DLG2: variants seen among roughly 807,000 people sequenced by gnomAD.
The protein encoded by DLG2 is disks large homolog 2.
DLG2 carries 45 observed loss-of-function variants against 132.5 expected under a neutral mutation model. That is an observed-to-expected ratio of 0.34 (90% CI 0.27 to 0.44). The LOEUF (loss-of-function observed/expected upper bound fraction) is 0.44. Among genes scored for constraint, DLG2 ranks in the 20% least tolerant of loss-of-function variants. The pLI, the probability that DLG2 is intolerant of heterozygous loss-of-function variation, is 1.00. For synonymous variants in DLG2, 424 were observed against 419.6 expected (o/e 1.01, Z -0.13); for missense variants, 1,045 against 1,196.9 (o/e 0.87, Z 1.87).
intron 7 of DLG2, among the ~76,000 whole-genome samples, chr11:84,253,275 T>C (rs949783235): frequency 1.3e-5 from 2 of 152,106 alleles, no homozygotes; most frequent in Non-Finnish European, 2.9e-5. Context: ...GATTGTATGA[T>C]TTGGGGGCTC....
chr11:84,714,669 C>CTG (rs1417619372), intron 6 of DLG2, among the ~76,000 whole-genome samples: 1 of 148,146 alleles, frequency 6.8e-6, no homozygotes, highest in Non-Finnish European at 1.5e-5. Flanking sequence ...CTCTCTCTCT[C>CTG]TCTCTGCCTC....
chr11:84,943,780 A>G (rs563381451), intron 6 of DLG2, among the ~76,000 whole-genome samples: 1 of 152,300 alleles, frequency 6.6e-6, no homozygotes, highest in East Asian at 1.9e-4. Context: ...TTTGTATACC[A>G]TAATTACAGT....
intron 9 of DLG2, among the ~76,000 whole-genome samples, chr11:84,130,492 G>GTATATA (rs34898841): frequency 1.3e-4 from 19 of 143,138 alleles, no homozygotes; most frequent in African/African-American, 4.0e-4. Context: ...AAGTGGAAAA[G>GTATATA]TATATATATA....
At chr11:83,493,895 C>G (rs1256042557) in intron 21 of DLG2, among the ~76,000 whole-genome samples, 1 of 152,100 alleles carries the variant, frequency 6.6e-6, no homozygotes, top group Non-Finnish European at 1.5e-5. Context: ...GAACTGTCAA[C>G]TAGGACCTGG....
At chr11:83,693,204 T>A (rs113723607) in intron 18 of DLG2, 10 of 152,220 alleles carry the variant, frequency 6.6e-5, no homozygotes, top group African/African-American at 2.2e-4. Flanking sequence ...CCTTGTCACA[T>A]GCCTGAAATA....
chr11:85,438,294 A>G (rs1225550597), intron 3 of DLG2, among the ~76,000 whole-genome samples: 1 of 152,162 alleles, frequency 6.6e-6, no homozygotes. Flanking sequence ...AAATTTTAAC[A>G]TGAGATTTGG....
intron 3 of DLG2, among the ~76,000 whole-genome samples, chr11:85,390,775 G>A (rs2086730111): frequency 6.6e-6 from 1 of 151,850 alleles, no homozygotes; most frequent in Admixed American, 6.6e-5. Flanking sequence ...AAAACCTCTT[G>A]GATATAACAA....
chr11:85,088,257 G>A (rs1258732529), intron 6 of DLG2, among the ~76,000 whole-genome samples: 1 of 152,174 alleles, frequency 6.6e-6, no homozygotes, highest in African/African-American at 2.4e-5. Flanking sequence ...AAAGCGACCT[G>A]AGCAATGGGA....
At chr11:85,412,871 A>T (rs1320430504) in intron 3 of DLG2, among the ~76,000 whole-genome samples, 1 of 151,528 alleles carries the variant, frequency 6.6e-6, no homozygotes, top group Non-Finnish European at 1.5e-5. Flanking sequence ...TGCTATAAAC[A>T]TGTGTGTGCA....
intron 18 of DLG2, among the ~76,000 whole-genome samples, chr11:83,743,481 G>C (rs1253517337): frequency 7.3e-6 from 1 of 136,816 alleles, no homozygotes; most frequent in Non-Finnish European, 1.5e-5. Flanking sequence ...ACCCAGGTTG[G>C]AGTACAGTGA....
intron 6 of DLG2, among the ~76,000 whole-genome samples, chr11:84,869,494 T>G (rs1368369585): frequency 6.6e-6 from 1 of 151,778 alleles, no homozygotes; most frequent in Non-Finnish European, 1.5e-5. Context: ...ATAATCAAAG[T>G]GAACAAAAAG....
chr11:85,424,997 C>G (rs1051207246), intron 3 of DLG2, among the ~76,000 whole-genome samples: 1 of 151,010 alleles, frequency 6.6e-6, no homozygotes, highest in Non-Finnish European at 1.5e-5. Flanking sequence ...CCTTAATCCA[C>G]TGAAGTTAGT....
intron 4 of DLG2, among the ~76,000 whole-genome samples, chr11:85,245,179 G>A (rs572987710): frequency 6.8e-4 from 104 of 151,930 alleles, no homozygotes; most frequent in Non-Finnish European, 1.1e-3. Context: ...CTAGATTCAG[G>A]CCTTATTAAT....
At chr11:84,985,400 G>A (rs2056342678) in intron 6 of DLG2, among the ~76,000 whole-genome samples, 1 of 152,060 alleles carries the variant, frequency 6.6e-6, no homozygotes, top group South Asian at 2.1e-4. Context: ...ATGAAATCAA[G>A]ATGGCAATTA....
intron 6 of DLG2, among the ~76,000 whole-genome samples, chr11:84,954,710 A>T (rs1018865824): frequency 6.6e-6 from 1 of 152,120 alleles, no homozygotes; most frequent in Non-Finnish European, 1.5e-5. Flanking sequence ...TTTCTCAGGT[A>T]TTGTCTAGAC....
At chr11:85,288,804 T>C (rs2078715847) in intron 3 of DLG2, among the ~76,000 whole-genome samples, 1 of 152,170 alleles carries the variant, frequency 6.6e-6, no homozygotes, top group Non-Finnish European at 1.5e-5. Flanking sequence ...TCTTTTTCTC[T>C]GTATCGTTTT....
chr11:84,692,925 A>C (rs1343913996), intron 6 of DLG2, among the ~76,000 whole-genome samples: 1 of 151,850 alleles, frequency 6.6e-6, no homozygotes, highest in Non-Finnish European at 1.5e-5. Context: ...TACAACGGAA[A>C]GGGAAATTGA....
At chr11:84,649,468 G>C (rs1190076160) in intron 6 of DLG2, among the ~76,000 whole-genome samples, 1 of 152,176 alleles carries the variant, frequency 6.6e-6, no homozygotes, top group African/African-American at 2.4e-5. Flanking sequence ...ATAGGATGGA[G>C]AGAAACTCAT....
At chr11:84,734,353 C>T (rs2063547740) in intron 6 of DLG2, among the ~76,000 whole-genome samples, 1 of 152,168 alleles carries the variant, frequency 6.6e-6, no homozygotes, top group Non-Finnish European at 1.5e-5. Context: ...AGTTCCTTCA[C>T]ATCCCTTGTA....
Sources: allele counts gnomAD v4.1 joint callset (sites outside exome capture counted in the v4.1 genomes callset), GRCh38; gene constraint gnomAD v4.1.1; transcripts MANE v1.5; gene names NCBI Gene and HGNC (gene_info 2026-07-23, HGNC 2026-07-21).